Variants in ZNF215 observed in about 807,000 individuals in gnomAD.
ZNF215 encodes the protein BWSCR2-associated zinc finger protein 2.
In ZNF215, 24 loss-of-function variants were observed where a neutral mutation model predicts 27.2. The observed-to-expected ratio is 0.88, with a 90% confidence interval of 0.64 to 1.24. The LOEUF is 1.24. Among genes scored for constraint, ZNF215 ranks in the 50% most tolerant of loss-of-function variants. ZNF215 has a pLI of 0.00. For synonymous variants in ZNF215, 210 were observed against 204.0 expected, an observed-to-expected ratio of 1.03 and a Z score of -0.25; for missense variants, 675 against 605.7, an observed-to-expected ratio of 1.11 and a Z score of -1.20.
At chr11:6,955,592 A>C (rs1446301832) in intron 6 of ZNF215, 98 bp from the exon 7 acceptor site, 1 of 1,232,412 alleles carries the variant, frequency 8.1e-7, no homozygotes, top group East Asian at 2.7e-5. Flanking sequence ...TCTGTATTTA[A>C]GACCCGTGGT....
downstream of ZNF215, among the ~76,000 whole-genome samples, chr11:6,961,719 T>G (rs1248762025): frequency 6.6e-6 from 1 of 152,170 alleles, no homozygotes; most frequent in Non-Finnish European, 1.5e-5. Flanking sequence ...TAGTTGCTCT[T>G]CTTCCATATG....
chr11:6,990,784 GGGACTT>G (rs1851107041), downstream of ZNF215, among the ~76,000 whole-genome samples: 1 of 29,048 alleles, frequency 3.4e-5, no homozygotes, highest in Non-Finnish European at 8.6e-5. Context: ...ACACACAAAG[GGGACTT>G]TGAAAAAGAA....
At chr11:6,932,956 T>A (rs1239160166) in intron 3 of ZNF215, among the ~76,000 whole-genome samples, 4 of 152,248 alleles carry the variant, frequency 2.6e-5, no homozygotes, top group Non-Finnish European at 5.9e-5. Flanking sequence ...AAATATTTTT[T>A]AAAATAAAGT....
downstream of ZNF215, among the ~76,000 whole-genome samples, chr11:6,992,990 C>T (rs569264311): frequency 5.3e-5 from 8 of 152,258 alleles, no homozygotes; most frequent in South Asian, 2.1e-4. Context: ...CCAGATGTCC[C>T]GGTATCACAT....
At chr11:6,938,328 G>A (rs911676177) in intron 3 of ZNF215, among the ~76,000 whole-genome samples, 3 of 151,904 alleles carry the variant, frequency 2.0e-5, no homozygotes, top group Admixed American at 6.5e-5. Context: ...AAAGGAAAAC[G>A]AATAGGGTTA....
At chr11:6,988,270 T>C, downstream of ZNF215, 1 of 985,338 alleles carries the variant, frequency 1.0e-6, no homozygotes. Flanking sequence ...CAGGAGAAGA[T>C]GGGGATGGCA....
At chr11:6,974,010 G>T (rs1037009378) in intron 5 of ZNF215, among the ~76,000 whole-genome samples, 2 of 151,940 alleles carry the variant, frequency 1.3e-5, no homozygotes, top group Non-Finnish European at 2.9e-5. Flanking sequence ...TTTTCTTCTA[G>T]GGTTTTTATG....
In ZNF215 at chr11:6,957,152, A is replaced by G. The variant is rs1472123221; in HGVS notation, c.*621A>G. 2 of 985,322 alleles carry G rather than the reference A, an allele frequency of 2.0e-6. No homozygotes were observed. Among genetic ancestry groups the G allele is most frequent in the African/African-American group, 3.5e-5 (2 of 57,232 alleles). 61.0% of individuals were successfully genotyped at this position (985,322 alleles called of 1,614,324 possible). ...TATGTATTGCTGTTAATCTATATGT[A>G]TTCTTAAAATCTGCATTTGTTTATA... On this transcript the variant is annotated 3_prime_UTR_variant, in exon 7 of 7. Coordinates refer to ENST00000278319, the MANE Select transcript of ZNF215 (RefSeq NM_013250.4).
intron 5 of ZNF215, among the ~76,000 whole-genome samples, chr11:6,977,969 T>A (rs776488369): frequency 2.0e-5 from 3 of 152,066 alleles, no homozygotes; most frequent in African/African-American, 7.2e-5. Flanking sequence ...ACTATAAAGA[T>A]CAGAGACTCA....
chr11:6,992,542 A>G (rs1851126769), downstream of ZNF215, among the ~76,000 whole-genome samples: 1 of 152,250 alleles, frequency 6.6e-6, no homozygotes, highest in African/African-American at 2.4e-5. Context: ...TTGTCCTCAG[A>G]GGGAAAAATA....
At position 6,952,448 on chromosome 11, in the gene ZNF215, T is replaced by C. The variant is rs539784844; in HGVS notation, c.713-3242T>C. Among the ~76,000 whole-genome samples the C allele has an allele frequency of 2.0e-3, 302 of 152,268 alleles. 1 individual carries two copies. Among genetic ancestry groups the C allele is most frequent in the Non-Finnish European group, 3.2e-3 (221 of 68,004 alleles). On this transcript the variant is annotated intron_variant, in intron 6 of 6. Coordinates refer to ENST00000278319, the MANE Select transcript of ZNF215 (RefSeq NM_013250.4). ...TTGGGTGCATATATATTTAGGATAG[T>C]TAGCTCTTCTTGTTGAATTGATCCT...
chr11:6,930,272 G>A (rs1210624641), intron 2 of ZNF215, among the ~76,000 whole-genome samples: 1 of 152,092 alleles, frequency 6.6e-6, no homozygotes, highest in Non-Finnish European at 1.5e-5. Flanking sequence ...TTCTTTTGCT[G>A]CTGGGCTGTT....
At chr11:6,971,618 TAGAA>T (rs1826152594) in intron 5 of ZNF215, among the ~76,000 whole-genome samples, 2 of 152,088 alleles carry the variant, frequency 1.3e-5, no homozygotes, top group South Asian at 4.1e-4. Context: ...TACATATCCA[TAGAA>T]AGGAGTAGAG....
chr11:6,985,764 C>A (rs1851044872), downstream of ZNF215, among the ~76,000 whole-genome samples: 1 of 152,024 alleles, frequency 6.6e-6, no homozygotes. Context: ...AGAGCCAAAT[C>A]AAGAATGCAA....
chr11:6,935,581 A>G (rs1397468472), intron 3 of ZNF215, among the ~76,000 whole-genome samples: 1 of 152,216 alleles, frequency 6.6e-6, no homozygotes, highest in Non-Finnish European at 1.5e-5. Context: ...TGAAGCAAAT[A>G]CAGAAGTGAA....
At chr11:6,984,538 T>A (rs1335093445) in exon 6 of ZNF215, 1 of 152,566 alleles carries the variant, frequency 6.6e-6, no homozygotes, top group African/African-American at 2.4e-5. Flanking sequence ...CAGCGTTGGT[T>A]GTAATAATAT....
chr11:6,978,786 C>T (rs891199615), intron 5 of ZNF215, among the ~76,000 whole-genome samples: 1 of 151,776 alleles, frequency 6.6e-6, no homozygotes, highest in Non-Finnish European at 1.5e-5. Flanking sequence ...CTGTAATATT[C>T]TTTCAACTTT....
chr11:6,943,730 G>T (rs1849716841), intron 6 of ZNF215, 89 bp downstream of exon 6: 9 of 1,058,832 alleles, frequency 8.5e-6, no homozygotes, highest in Admixed American at 2.1e-5. Context: ...TGAATTGTTA[G>T]TTGGGAAGGA....
intron 5 of ZNF215, among the ~76,000 whole-genome samples, chr11:6,979,730 T>C (rs1232581379): frequency 6.6e-6 from 1 of 152,026 alleles, no homozygotes; most frequent in Admixed American, 6.6e-5. Context: ...CTAATAAAAA[T>C]TTTTGTTGCT....
Sources: gnomAD v4.1 joint callset for allele counts (sites outside exome capture counted in the v4.1 genomes callset) on GRCh38, gnomAD v4.1.1 for gene constraint, MANE v1.5 for transcripts, NCBI Gene and HGNC (gene_info 2026-07-23, HGNC 2026-07-21) for gene names.